The following MAP4 variants were observed in gnomAD, a reference collection of about 807,000 sequenced individuals.
MAP4 encodes microtubule-associated protein 4.
A neutral mutation model predicts 170.2 loss-of-function variants in MAP4; 76 were observed. The ratio of observed to expected loss-of-function variants is 0.45; its 90% CI spans 0.37 to 0.54. MAP4 has a LOEUF of 0.54. MAP4 is among the 20% of genes least tolerant of loss of function. MAP4 has a pLI of 0.00. For missense variants in MAP4, 2,506 were observed against 2,748.0 expected (o/e 0.91, Z 1.97); for synonymous variants, 909 against 994.5 (o/e 0.91, Z 1.62).
chr3:47,891,578 G>A, intron 10 of MAP4: 1 of 1,534,032 alleles, frequency 6.5e-7, no homozygotes, highest in South Asian at 1.2e-5. Flanking sequence ...TGAGAGGTGA[G>A]AACATTCAGA....
At chr3:47,892,268 T>C (rs2153075861) in intron 10 of MAP4, 1 of 1,536,362 alleles carries the variant, frequency 6.5e-7, no homozygotes, top group Non-Finnish European at 8.7e-7. Flanking sequence ...GCAGAGCTTG[T>C]TCTGCTCCAG....
In MAP4 at chr3:47,883,237, T is replaced by C. The variant is rs142088711; in HGVS notation, c.5435-5714A>G. ...TGAGGAGATAAGTCTATTATATTCC[T>C]TTTTTTTTGGAGACCAAGTTTTGCT... On this transcript the variant is annotated intron_variant, in intron 10 of 20. Coordinates refer to ENST00000683076, the MANE Select transcript of MAP4 (RefSeq NM_001385682.1). 4.0e-5 allele frequency among the ~76,000 whole-genome samples: 6 copies of C among 151,414 alleles called. No homozygotes were observed. The East Asian group carries it at 1.2e-3, about 29-fold the overall frequency.
At chr3:47,948,644 CAG>C (rs765722232) in intron 3 of MAP4, among the ~76,000 whole-genome samples, 1 of 150,076 alleles carries the variant, frequency 6.7e-6, no homozygotes, top group African/African-American at 2.5e-5. Flanking sequence ...TTTTTTGAGA[CAG>C]AGTCTCGCTC....
chr3:48,049,887 G>A (rs531001703), intron 1 of MAP4, among the ~76,000 whole-genome samples: 13 of 149,890 alleles, frequency 8.7e-5, no homozygotes, highest in East Asian at 4.0e-4. Context: ...GCAGTGAGCC[G>A]AGATCGCACC....
chr3:47,918,691 C>T (rs1395359863), intron 6 of MAP4, 28 bp downstream of exon 6: 1 of 1,576,898 alleles, frequency 6.3e-7, no homozygotes, highest in South Asian at 1.1e-5. Context: ...CAACCATTAA[C>T]TGATAAAGGG....
intron 1 of MAP4, among the ~76,000 whole-genome samples, chr3:48,041,769 A>T (rs1454329771): frequency 6.6e-6 from 1 of 152,220 alleles, no homozygotes; most frequent in Non-Finnish European, 1.5e-5. Flanking sequence ...CAATCCTAAA[A>T]TTCATATGGA....
chr3:47,857,376 C>A, intron 18 of MAP4, 55 bp downstream of exon 18: 1 of 1,462,734 alleles, frequency 6.8e-7, no homozygotes, highest in Non-Finnish European at 9.6e-7. Flanking sequence ...CCCAGCTGAC[C>A]CATGGCAGGA....
chr3:48,078,439 G>A (rs982799265), intron 1 of MAP4, among the ~76,000 whole-genome samples: 1 of 151,464 alleles, frequency 6.6e-6, no homozygotes, highest in African/African-American at 2.4e-5. Context: ...TTACAGGCAT[G>A]AGCTACCATG....
intron 10 of MAP4, among the ~76,000 whole-genome samples, chr3:47,881,629 G>A (rs1429418865): frequency 6.6e-6 from 1 of 150,656 alleles, no homozygotes; most frequent in African/African-American, 2.4e-5. Context: ...GCATATACTT[G>A]GGCAATTTTT....
rs758652461 is a variant in MAP4 at position 47,911,122 on chromosome 3, G to A, written c.3299C>T (p.Pro1100Leu). 1.8e-5 allele frequency: 27 copies of A among 1,536,034 alleles called. No individual in the cohort carries two copies. Among genetic ancestry groups the A allele is most frequent in the African/African-American group, 1.4e-4 (10 of 73,140 alleles). ...TTCAGTTTTAGAGACTGGCTCACTC[G>A]GTATGAGAACAGCCCTTCCGTCCTT... ...SQKDGRAVLI[P>L]SEPVSKTEGM... The change falls in exon 9 of 21, where the codon CCG (proline) becomes CTG (leucine). Residue 1100 changes from proline (P) to leucine (L), a missense_variant. Physicochemically the swap from Pro to Leu is moderately conservative, Grantham distance 98 (BLOSUM62 -3). Coordinates refer to ENST00000683076, the MANE Select transcript of MAP4 (RefSeq NM_001385682.1). This position sits in a 1 kb window ranked among gnomAD's most constrained non-coding sequence, Gnocchi z 4.0.
chr3:48,059,836 C>T (rs940863566), intron 1 of MAP4, among the ~76,000 whole-genome samples: 3 of 152,120 alleles, frequency 2.0e-5, no homozygotes, highest in South Asian at 4.1e-4. Context: ...AAAAAATTAG[C>T]CGGCTTGGTG....
chr3:47,902,457 C>T (rs965594937), intron 10 of MAP4, among the ~76,000 whole-genome samples: 1 of 151,760 alleles, frequency 6.6e-6, no homozygotes, highest in Admixed American at 6.6e-5. Context: ...GGGTGGATCA[C>T]GAGGTCAGGA....
intron 3 of MAP4, among the ~76,000 whole-genome samples, chr3:47,951,269 G>A (rs1653842970): frequency 6.6e-6 from 1 of 152,078 alleles, no homozygotes; most frequent in Non-Finnish European, 1.5e-5. Flanking sequence ...TTGGTATGCT[G>A]AAGAAACTTT....
chr3:48,038,614 C>A (rs1409386848), intron 1 of MAP4, among the ~76,000 whole-genome samples: 2 of 152,058 alleles, frequency 1.3e-5, no homozygotes, highest in Non-Finnish European at 2.9e-5. Context: ...GCGCCTGCCA[C>A]CACGCCCAGC....
intron 4 of MAP4, among the ~76,000 whole-genome samples, chr3:47,926,925 G>T (rs1328019690): frequency 1.3e-5 from 2 of 152,102 alleles, no homozygotes; most frequent in African/African-American, 4.8e-5. Flanking sequence ...AGCACTTTGG[G>T]AGGCTGAGGT....
Position 47,852,698 on chromosome 3 carries a change from T to C in MAP4, c.*236A>G, listed in dbSNP as rs561227465. 441 of 1,454,920 alleles carry C rather than the reference T, an allele frequency of 3.0e-4. 1 individual carries two copies. Among genetic ancestry groups the C allele is most frequent in the Non-Finnish European group, 3.9e-4 (425 of 1,092,076 alleles). 90.1% of individuals were successfully genotyped at this position (1,454,920 alleles called of 1,614,324 possible). A position where few individuals can be genotyped will look rare whatever the true frequency, so the allele number is the denominator to read the frequency against. On this transcript the variant is annotated 3_prime_UTR_variant, in exon 21 of 21. Transcript: ENST00000683076. ...GCCCAGGCTGGGGAGTGAGAGGAGGTGTGGGGCAGGGCTGCTGCTGCCCCG... is the reference window on the plus strand; with the variant it reads ...GCCCAGGCTGGGGAGTGAGAGGAGGCGTGGGGCAGGGCTGCTGCTGCCCCG...
intron 1 of MAP4, among the ~76,000 whole-genome samples, chr3:48,059,972 C>CAA (rs5848847): frequency 3.7e-3 from 506 of 138,576 alleles, no homozygotes; most frequent in East Asian, 7.3e-3. Flanking sequence ...GACTCTGTCT[C>CAA]AAAAAAAAAA....
chr3:47,880,256 CTAA>C (rs2096458730), intron 10 of MAP4, among the ~76,000 whole-genome samples: 1 of 135,946 alleles, frequency 7.4e-6, no homozygotes. Context: ...CCACACCTGG[CTAA>C]TTTTTTTTTT....
At chr3:47,986,558 C>T (rs1436847971) in intron 2 of MAP4, among the ~76,000 whole-genome samples, 2 of 152,100 alleles carry the variant, frequency 1.3e-5, no homozygotes, top group Non-Finnish European at 2.9e-5. Flanking sequence ...CCAGGCTGGT[C>T]TCAAACTCCT....
Sources: gnomAD v4.1 joint callset for allele counts (sites outside exome capture counted in the v4.1 genomes callset) on GRCh38, gnomAD v4.1.1 for gene constraint, Gnocchi (gnomAD v3.1) non-coding constraint, MANE v1.5 for transcripts, NCBI Gene and HGNC (gene_info 2026-07-23, HGNC 2026-07-21) for gene names.